Variants in SCN1A observed in about 807,000 individuals in gnomAD.
SCN1A encodes sodium voltage-gated channel alpha subunit 1, also known as sodium channel protein type 1 subunit alpha.
SCN1A carries 13 observed loss-of-function variants against 193.7 expected under a neutral mutation model. The ratio of observed to expected loss-of-function variants is 0.07; its 90% CI spans 0.04 to 0.11. The LOEUF (loss-of-function observed/expected upper bound fraction) is 0.11, where lower values mean the gene tolerates loss of function less well. Among genes scored for constraint, SCN1A ranks in the 10% least tolerant of loss-of-function variants. The probability of loss-of-function intolerance (pLI) is 1.00; values close to 1 mark genes in which losing one functional copy is unlikely to be tolerated. For missense variants in SCN1A, 1,432 were observed against 2,451.1 expected (o/e 0.58, Z 8.78); for synonymous variants, 781 against 843.6 (o/e 0.93, Z 1.29).
Position 166,065,517 on chromosome 2 carries a change from T to C in SCN1A, c.265-6829A>G, listed in dbSNP as rs570040633. Among the ~76,000 whole-genome samples the C allele has an allele frequency of 1.7e-4, 26 of 152,348 alleles. No homozygotes were observed. The South Asian group carries it at 5.4e-3, about 32-fold the overall frequency. ...AGCCTGTGAGTTCAAGCCAAGCTTT[T>C]CTTCCTTTTCTGGCTCACTGGGGGA... On this transcript the variant is annotated intron_variant, in intron 4 of 28. Coordinates refer to ENST00000674923, the MANE Select transcript of SCN1A (RefSeq NM_001165963.4).
In SCN1A at chr2:165,994,142, T is replaced by G; in HGVS notation, c.4852+4A>C. ...TGAATTTAAGAACTTTAAATATTTC[T>G]TACCTACAATGGAGAGAATGACAAC... On this transcript the variant is annotated splice_donor_region_variant and intron_variant, in intron 28 of 28. Coordinates refer to ENST00000674923, the MANE Select transcript of SCN1A (RefSeq NM_001165963.4). The G allele has an allele frequency of 6.2e-7, 1 of 1,600,222 alleles. No individual in the cohort carries two copies. The highest frequency in any genetic ancestry group is 8.5e-7 in the Non-Finnish European group (1 of 1,169,780).
intron 1 of SCN1A, among the ~76,000 whole-genome samples, chr2:166,140,480 A>T (rs901777683): frequency 6.6e-6 from 1 of 152,124 alleles, no homozygotes; most frequent in Non-Finnish European, 1.5e-5. Context: ...AGGGAGGCAA[A>T]TGGAGATCTT....
intron 2 of SCN1A, among the ~76,000 whole-genome samples, chr2:166,124,985 T>G (rs1159193849): frequency 6.6e-6 from 1 of 152,154 alleles, no homozygotes; most frequent in East Asian, 1.9e-4. Context: ...TAAATGGAAA[T>G]CTAGGAATGT....
At chr2:166,136,587 A>G (rs193053194) in intron 1 of SCN1A, among the ~76,000 whole-genome samples, 260 of 152,256 alleles carry the variant, frequency 1.7e-3, no homozygotes, top group African/African-American at 6.2e-3. Context: ...TTACCCTTCC[A>G]TGAACCATTT....
chr2:166,004,550 A>G (rs1249507215), intron 23 of SCN1A, among the ~76,000 whole-genome samples: 1 of 151,434 alleles, frequency 6.6e-6, no homozygotes, highest in Non-Finnish European at 1.5e-5. Context: ...TCCTTCATTT[A>G]ATCTATGTAA....
intron 2 of SCN1A, among the ~76,000 whole-genome samples, chr2:166,096,369 G>C: frequency 6.6e-6 from 1 of 152,076 alleles, no homozygotes; most frequent in Middle Eastern, 3.4e-3. Context: ...TGCAAGCTCC[G>C]CCTCCCTGGT....
chr2:166,123,271 C>G (rs1334822215), intron 2 of SCN1A, among the ~76,000 whole-genome samples: 1 of 118,646 alleles, frequency 8.4e-6, no homozygotes, highest in Admixed American at 9.7e-5. Flanking sequence ...AAGATTTGTT[C>G]AAATCCCTCC....
chr2:166,084,333 T>C (rs1685867128), intron 2 of SCN1A, among the ~76,000 whole-genome samples: 1 of 151,744 alleles, frequency 6.6e-6, no homozygotes, highest in Non-Finnish European at 1.5e-5. Context: ...CCATTCTATT[T>C]CATTCAAAAA....
At chr2:166,113,083 T>C (rs539741517) in intron 2 of SCN1A, among the ~76,000 whole-genome samples, 2 of 152,258 alleles carry the variant, frequency 1.3e-5, no homozygotes, top group African/African-American at 4.8e-5. Flanking sequence ...TTGCAACTGA[T>C]GTTTGAAGTG....
At position 166,118,338 on chromosome 2, in the gene SCN1A, C is replaced by T. The variant is rs144513550; in HGVS notation, c.-142+8586G>A. Among the ~76,000 whole-genome samples, 24 of 55,632 alleles carry T rather than the reference C, an allele frequency of 4.3e-4. No individual in the cohort carries two copies. The East Asian group carries it at 8.6e-3, about 20-fold the overall frequency. 36.5% of individuals were successfully genotyped at this position (55,632 alleles called of 152,430 possible). A position where few individuals can be genotyped will look rare whatever the true frequency, so the allele number is the denominator to read the frequency against. ...TTTTTTTTTTTTTTTTTTGAGAAAG[C>T]GTCTCACTCTCTTGCGCAGGCTGGA... On this transcript the variant is annotated intron_variant, in intron 2 of 28. Transcript: ENST00000674923.
chr2:166,106,662 G>C (rs1361242066), intron 2 of SCN1A, among the ~76,000 whole-genome samples: 1 of 152,156 alleles, frequency 6.6e-6, no homozygotes, highest in East Asian at 1.9e-4. Flanking sequence ...TAGAGGCTGT[G>C]AAGTCACCAA....
Position 165,989,347 on chromosome 2 carries a change from A to G in SCN1A, c.*1898T>C, listed in dbSNP as rs1428128952. The G allele has an allele frequency of 6.6e-6, 1 of 152,520 alleles. No homozygotes were observed. Among genetic ancestry groups the G allele is most frequent in the Non-Finnish European group, 1.5e-5 (1 of 68,008 alleles). 9.4% of individuals were successfully genotyped at this position (152,520 alleles called of 1,614,324 possible). A position where few individuals can be genotyped will look rare whatever the true frequency, so the allele number is the denominator to read the frequency against. ...AAAATGTCCTGATGTAATTGACTAT[A>G]TAAGTTGACTACTCTGTTTTTGTGG... On this transcript the variant is annotated 3_prime_UTR_variant, in exon 29 of 29. Coordinates refer to ENST00000674923, the MANE Select transcript of SCN1A (RefSeq NM_001165963.4).
chr2:166,003,395 T>C (rs897250434), intron 23 of SCN1A, among the ~76,000 whole-genome samples: 1 of 151,622 alleles, frequency 6.6e-6, no homozygotes, highest in Non-Finnish European at 1.5e-5. Flanking sequence ...CTGAGTTTAA[T>C]TCAAAAAACT....
chr2:166,106,751 T>C (rs544361451), intron 2 of SCN1A, among the ~76,000 whole-genome samples: 1 of 152,298 alleles, frequency 6.6e-6, no homozygotes, highest in South Asian at 2.1e-4. Flanking sequence ...CAATGGTCCA[T>C]TGCTAATGGT....
rs1689109230 is a variant in SCN1A at position 165,991,390 on chromosome 2, T to C, written c.5885A>G (p.Asp1962Gly). Residue 1962 changes from aspartate to glycine, a missense_variant, in exon 29 of 29, where the codon GAC becomes GGC. Asp to Gly is a moderately conservative substitution (Grantham distance 94, BLOSUM62 -1). Transcript: ENST00000674923. ...TGTAATAGAGTTTTCATTTATTCTG[T>C]CAATTATCATGTCTTCTTTTATAAG... ...NLLIKEDMII[D>G]RINENSITEK... 6.2e-7 allele frequency: 1 copy of C among 1,613,684 alleles called. No homozygotes were observed. The highest frequency in any genetic ancestry group is 1.1e-5 in the South Asian group (1 of 91,076).
At chr2:166,001,888 T>C (rs986000834) in intron 24 of SCN1A, among the ~76,000 whole-genome samples, 3 of 142,002 alleles carry the variant, frequency 2.1e-5, no homozygotes, top group East Asian at 2.1e-4. Context: ...TCTTTTTTTT[T>C]TTTTTTTTTT....
At chr2:166,033,728 T>C (rs1436966546) in intron 19 of SCN1A, among the ~76,000 whole-genome samples, 1 of 152,094 alleles carries the variant, frequency 6.6e-6, no homozygotes, top group Non-Finnish European at 1.5e-5. Flanking sequence ...AAAAGGTTAG[T>C]GTTTCTTTTA....
At chr2:166,068,921 C>T (rs972731848) in intron 4 of SCN1A, among the ~76,000 whole-genome samples, 3 of 152,116 alleles carry the variant, frequency 2.0e-5, no homozygotes, top group Non-Finnish European at 4.4e-5. Flanking sequence ...ATGATATTTT[C>T]TTCCATGGTA....
At chr2:166,038,688 GT>G (rs948735592) in intron 17 of SCN1A, among the ~76,000 whole-genome samples, 3 of 152,040 alleles carry the variant, frequency 2.0e-5, no homozygotes, top group Non-Finnish European at 4.4e-5. Flanking sequence ...TTCTTAATTT[GT>G]TTTATAAAGG....
Sources: gnomAD v4.1 joint callset for allele counts (sites outside exome capture counted in the v4.1 genomes callset) on GRCh38, gnomAD v4.1.1 for gene constraint, MANE v1.5 for transcripts, NCBI Gene and HGNC (gene_info 2026-07-23, HGNC 2026-07-21) for gene names.